Variants in FAM133B observed in about 807,000 individuals in gnomAD.
FAM133B encodes the protein family with sequence similarity 133 member B.
A neutral mutation model predicts 46.4 loss-of-function variants in FAM133B; 25 were observed. The observed-to-expected ratio is 0.54, with a 90% CI of 0.39 to 0.75. The LOEUF (loss-of-function observed/expected upper bound fraction) is 0.75. Among genes scored for constraint, FAM133B ranks in the 30% least tolerant of loss-of-function variants. The probability of loss-of-function intolerance (pLI) is 0.00; values close to 1 mark genes in which losing one functional copy is unlikely to be tolerated. For missense variants in FAM133B, 205 were observed against 277.6 expected (o/e 0.74, Z 1.86); for synonymous variants, 75 against 86.0 (o/e 0.87, Z 0.71).
At chr7:92,572,660 A>G (rs1445404574) in intron 8 of FAM133B, among the ~76,000 whole-genome samples, 3 of 152,226 alleles carry the variant, frequency 2.0e-5, no homozygotes, top group Admixed American at 2.0e-4. Context: ...TGGAGGTTGC[A>G]GTGAGCCAAG....
intron 1 of FAM133B, chr7:92,589,943 T>TGG (rs138851037): frequency 0.011 from 4,770 of 436,054 alleles, 219 homozygotes; most frequent in African/African-American, 0.091. Flanking sequence ...GGGCCAGGTG[T>TGG]GGGGGGGGTT....
chr7:92,574,837 G>A (rs1348031121), intron 8 of FAM133B, among the ~76,000 whole-genome samples: 3 of 151,708 alleles, frequency 2.0e-5, no homozygotes, highest in East Asian at 3.9e-4. Flanking sequence ...CCCGGGAAGC[G>A]GAGCTTGCAG....
chr7:92,587,831 T>C (rs1373948956), intron 1 of FAM133B, among the ~76,000 whole-genome samples: 1 of 152,186 alleles, frequency 6.6e-6, no homozygotes, highest in Non-Finnish European at 1.5e-5. Context: ...TAGTAACATG[T>C]CAATGTAGGT....
chr7:92,588,433 G>A (rs1006315203), intron 1 of FAM133B, among the ~76,000 whole-genome samples: 3 of 152,176 alleles, frequency 2.0e-5, no homozygotes, highest in African/African-American at 7.2e-5. Context: ...ATGCTCCTAT[G>A]CTGAAATGGT....
chr7:92,577,449 A>T (rs963544095), intron 6 of FAM133B: 3 of 454,632 alleles, frequency 6.6e-6, no homozygotes, highest in East Asian at 7.1e-5. Context: ...TAGGTCAACA[A>T]AACAAATTTT....
At chr7:92,575,030 A>G (rs1445461395) in intron 8 of FAM133B, among the ~76,000 whole-genome samples, 1 of 152,242 alleles carries the variant, frequency 6.6e-6, no homozygotes, top group Non-Finnish European at 1.5e-5. Context: ...TTTAAATGTA[A>G]ACCAGAAATT....
chr7:92,579,843 A>G (rs1048930336), intron 2 of FAM133B, among the ~76,000 whole-genome samples: 13 of 152,186 alleles, frequency 8.5e-5, no homozygotes, highest in African/African-American at 2.4e-4. Context: ...CATTCCATAT[A>G]TGACCCATTT....
At chr7:92,581,389 TAAA>T (rs895875714) in intron 2 of FAM133B, 114 bp downstream of exon 2, 10 of 800,100 alleles carry the variant, frequency 1.2e-5, no homozygotes, top group Non-Finnish European at 2.0e-5. Context: ...AAATGTTACT[TAAA>T]AAAATTACTT....
At chr7:92,569,543 TA>T (rs778327335) in intron 9 of FAM133B, 1 of 194,736 alleles carries the variant, frequency 5.1e-6, no homozygotes, top group Non-Finnish European at 1.0e-5. Context: ...TTCTTTCATG[TA>T]ACAAGAATGG....
chr7:92,588,380 C>T (rs575062086), intron 1 of FAM133B, among the ~76,000 whole-genome samples: 1 of 152,214 alleles, frequency 6.6e-6, no homozygotes, highest in Non-Finnish European at 1.5e-5. Context: ...ACATTCAAGG[C>T]CCAAGGGTAT....
At chr7:92,575,460 G>A (rs759341106) in intron 8 of FAM133B, among the ~76,000 whole-genome samples, 8 of 152,138 alleles carry the variant, frequency 5.3e-5, no homozygotes, top group East Asian at 3.8e-4. Context: ...GTGACAAAGC[G>A]AGACTCCATC....
intron 1 of FAM133B, chr7:92,590,011 T>C (rs997572014): frequency 7.0e-6 from 4 of 572,594 alleles, no homozygotes; most frequent in Non-Finnish European, 1.2e-5. Flanking sequence ...CAGGCAAGAG[T>C]GCAAACCAGC....
chr7:92,585,219 A>G (rs1225761886), intron 1 of FAM133B: 1 of 275,674 alleles, frequency 3.6e-6, no homozygotes, highest in Admixed American at 6.5e-5. Context: ...TCTGTATGTC[A>G]TTTCCTATTG....
rs1794178324 is a variant in FAM133B, at chr7:92,562,190, A to T, written c.*92T>A. The stretch of plus-strand genomic sequence containing the variant: ...AATAATTCCAAAAACAAGAAAATTC[A>T]TGCATTTTAGTAAATATGTTGTAGT... On this transcript the variant is annotated 3_prime_UTR_variant, in exon 11 of 11. Coordinates refer to ENST00000445716, the MANE Select transcript of FAM133B (RefSeq NM_152789.4). The T allele has an allele frequency of 3.5e-6, 5 of 1,411,784 alleles. No individual in the cohort carries two copies. In the South Asian group the frequency reaches 4.1e-5, roughly 12 times the overall value. The allele number at this position is 1,411,784 out of a possible 1,614,324, so 87.5% of individuals were successfully genotyped here. A position where few individuals can be genotyped will look rare whatever the true frequency, so the allele number is the denominator to read the frequency against.
chr7:92,585,847 A>G (rs918586618), intron 1 of FAM133B, among the ~76,000 whole-genome samples: 1 of 152,232 alleles, frequency 6.6e-6, no homozygotes, highest in Non-Finnish European at 1.5e-5. Flanking sequence ...TATTATAGTA[A>G]TAAAGGTAAA....
chr7:92,564,579 A>G (rs559009166), intron 10 of FAM133B, among the ~76,000 whole-genome samples: 5 of 152,352 alleles, frequency 3.3e-5, no homozygotes, highest in Admixed American at 3.3e-4. Context: ...GGAGCACATA[A>G]AATGTTATTT....
chr7:92,569,345 A>G (rs937993583), intron 9 of FAM133B, among the ~76,000 whole-genome samples: 5 of 152,154 alleles, frequency 3.3e-5, no homozygotes, highest in African/African-American at 9.6e-5. Context: ...CATCTCATTT[A>G]GTTCTCACAA....
chr7:92,583,252 T>C (rs1794941008), intron 1 of FAM133B, among the ~76,000 whole-genome samples: 1 of 152,196 alleles, frequency 6.6e-6, no homozygotes, highest in Non-Finnish European at 1.5e-5. Context: ...AATATATGAT[T>C]CCATTTATAT....
At chr7:92,572,579 C>T (rs6962492) in intron 8 of FAM133B, among the ~76,000 whole-genome samples, 3,659 of 152,172 alleles carry the variant, frequency 0.024, 51 homozygotes, top group Middle Eastern at 0.075. Flanking sequence ...AGTAGCTGGG[C>T]GTGGTGGCGC....
Sources: gnomAD v4.1 joint callset for allele counts (sites outside exome capture counted in the v4.1 genomes callset) on GRCh38, gnomAD v4.1.1 for gene constraint, MANE v1.5 for transcripts, NCBI Gene and HGNC (gene_info 2026-07-23, HGNC 2026-07-21) for gene names.